Variants in SLX4IP observed in about 807,000 individuals in gnomAD.
The protein encoded by SLX4IP is SLX4 interacting protein, also known as protein SLX4IP.
SLX4IP carries 34 observed loss-of-function variants against 32.9 expected under a neutral mutation model. The observed-to-expected ratio is 1.03, with a 90% confidence interval of 0.79 to 1.38. SLX4IP has a LOEUF of 1.38. Ranked by LOEUF, SLX4IP falls within the 40% of genes most tolerant of loss-of-function variation. The pLI is 0.00. For missense variants in SLX4IP, 444 were observed against 479.0 expected (o/e 0.93, Z 0.68); for synonymous variants, 172 against 171.7 (o/e 1.00, Z -0.01).
chr20:10,460,147 G>A (rs1222805804), intron 2 of SLX4IP, among the ~76,000 whole-genome samples: 6 of 152,198 alleles, frequency 3.9e-5, no homozygotes, highest in Non-Finnish European at 1.5e-5. Flanking sequence ...GTCTAAAAAT[G>A]TATTTGGTCT....
At chr20:10,608,436 C>T (rs1220918715) in intron 6 of SLX4IP, among the ~76,000 whole-genome samples, 3 of 151,746 alleles carry the variant, frequency 2.0e-5, no homozygotes, top group Non-Finnish European at 2.9e-5. Context: ...GAGGCCGAGG[C>T]GGGCGGATCA....
intron 1 of SLX4IP, among the ~76,000 whole-genome samples, 169 bp downstream of exon 1, chr20:10,435,622 A>T (rs2065104293): frequency 6.6e-6 from 1 of 152,204 alleles, no homozygotes; most frequent in South Asian, 2.1e-4. Context: ...AAAGTTGCTA[A>T]ACATCAGGAT....
chr20:10,545,763 T>C (rs1485421197), intron 2 of SLX4IP, among the ~76,000 whole-genome samples: 1 of 152,094 alleles, frequency 6.6e-6, no homozygotes, highest in Non-Finnish European at 1.5e-5. Context: ...CCCACAGAGG[T>C]AGGAAAATTA....
chr20:10,535,743 C>T (rs1485011412), intron 2 of SLX4IP, among the ~76,000 whole-genome samples: 2 of 152,222 alleles, frequency 1.3e-5, no homozygotes, highest in Non-Finnish European at 2.9e-5. Context: ...CATGCACATT[C>T]ATGCTCCATC....
chr20:10,525,109 A>G (rs973983386), intron 2 of SLX4IP, among the ~76,000 whole-genome samples: 2 of 152,252 alleles, frequency 1.3e-5, no homozygotes, highest in Admixed American at 1.3e-4. Context: ...AAATCTTTAC[A>G]ATCTGATCCA....
chr20:10,539,484 A>C (rs947557090), intron 2 of SLX4IP, among the ~76,000 whole-genome samples: 2 of 151,720 alleles, frequency 1.3e-5, no homozygotes, highest in Non-Finnish European at 2.9e-5. Flanking sequence ...GAAGCTCATT[A>C]TATTTTGGTT....
intron 6 of SLX4IP, among the ~76,000 whole-genome samples, chr20:10,609,586 C>T (rs1355598113): frequency 6.6e-6 from 1 of 152,214 alleles, no homozygotes; most frequent in Non-Finnish European, 1.5e-5. Context: ...ACTGTGGGCT[C>T]TCTCCTGGTT....
chr20:10,544,759 T>C (rs2066144905), intron 2 of SLX4IP, among the ~76,000 whole-genome samples: 1 of 152,130 alleles, frequency 6.6e-6, no homozygotes, highest in Non-Finnish European at 1.5e-5. Context: ...GATAAAATGG[T>C]GATTTTTTTA....
intron 4 of SLX4IP, among the ~76,000 whole-genome samples, chr20:10,589,345 A>T (rs1212507934): frequency 6.6e-6 from 1 of 152,332 alleles, no homozygotes; most frequent in East Asian, 1.9e-4. Context: ...TTCTGATCCA[A>T]CCCTGAAAGG....
intron 6 of SLX4IP, among the ~76,000 whole-genome samples, chr20:10,604,191 T>G (rs1007925098): frequency 2.8e-4 from 43 of 152,210 alleles, no homozygotes; most frequent in African/African-American, 1.0e-3. Flanking sequence ...AACATCTGAC[T>G]GGGCAAGGCT....
rs2065572495 is a variant in SLX4IP at position 10,486,207 on chromosome 20, G to A, written c.27+27976G>A. On this transcript the variant is annotated intron_variant, in intron 2 of 7. Transcript: ENST00000334534. ...AAATTTTTTTTTTTTTTTTTTACTAGGTAGGCATCCTAACACAGTCTTGCA... is the reference window on the plus strand; with the variant it reads ...AAATTTTTTTTTTTTTTTTTTACTAAGTAGGCATCCTAACACAGTCTTGCA... 1.4e-5 allele frequency among the ~76,000 whole-genome samples: 2 copies of A among 142,444 alleles called. 1 individual carries two copies. The highest frequency in any genetic ancestry group is 5.2e-5 in the African/African-American group (2 of 38,348). The allele number at this position is 142,444 out of a possible 152,430, so 93.4% of individuals were successfully genotyped here.
At chr20:10,537,010 T>C (rs891520566) in intron 2 of SLX4IP, among the ~76,000 whole-genome samples, 6 of 152,224 alleles carry the variant, frequency 3.9e-5, no homozygotes, top group African/African-American at 1.4e-4. Flanking sequence ...TGGCAGCAAA[T>C]GCAAGGAATA....
At chr20:10,518,462 C>T (rs1568720114) in intron 2 of SLX4IP, among the ~76,000 whole-genome samples, 5 of 65,196 alleles carry the variant, frequency 7.7e-5, no homozygotes, top group Admixed American at 1.9e-4. Context: ...TTCCTTCCTT[C>T]CTTTCCTTTC....
At chr20:10,437,617 A>G (rs998208288) in intron 1 of SLX4IP, among the ~76,000 whole-genome samples, 1 of 152,214 alleles carries the variant, frequency 6.6e-6, no homozygotes, top group African/African-American at 2.4e-5. Flanking sequence ...TCTGTGTCCT[A>G]AGAAAGTTGT....
chr20:10,613,459 C>T, intron 6 of SLX4IP: 1 of 1,596,250 alleles, frequency 6.3e-7, no homozygotes, highest in Non-Finnish European at 8.6e-7. Flanking sequence ...TTCTTGAGAG[C>T]AGATTTTTTC....
At chr20:10,542,709 C>T (rs1337270526) in intron 2 of SLX4IP, among the ~76,000 whole-genome samples, 1 of 152,220 alleles carries the variant, frequency 6.6e-6, no homozygotes, top group African/African-American at 2.4e-5. Context: ...CTAAGAATGC[C>T]TCCACTTGGG....
intron 6 of SLX4IP, among the ~76,000 whole-genome samples, chr20:10,616,431 T>A (rs1275146508): frequency 1.4e-5 from 2 of 147,658 alleles, no homozygotes; most frequent in South Asian, 2.1e-4. Context: ...AATAAATAAA[T>A]AAAATGTCAA....
intron 2 of SLX4IP, among the ~76,000 whole-genome samples, chr20:10,461,259 G>T (rs530456144): frequency 6.6e-6 from 1 of 152,352 alleles, no homozygotes; most frequent in East Asian, 1.9e-4. Context: ...TGGACGTGAG[G>T]CCCCTAATTA....
In SLX4IP at chr20:10,627,815, G is replaced by A. The variant is rs75667647; in HGVS notation, c.*4436G>A. The A allele has an allele frequency of 1.3e-5, 2 of 152,334 alleles. No homozygotes were observed. The highest frequency in any genetic ancestry group is 1.9e-4 in the East Asian group (1 of 5,186). The allele number at this position is 152,334 out of a possible 1,614,324, so 9.4% of individuals were successfully genotyped here. ...AGTATTTGATCAGGGAACAGAAGGT[G>A]TGAATTGGACAGATCCCCCGAATAA... On this transcript the variant is annotated 3_prime_UTR_variant, in exon 8 of 8. Transcript: ENST00000334534.
Sources: allele counts gnomAD v4.1 joint callset (sites outside exome capture counted in the v4.1 genomes callset), GRCh38; gene constraint gnomAD v4.1.1; transcripts MANE v1.5; gene names NCBI Gene and HGNC (gene_info 2026-07-23, HGNC 2026-07-21).